The following CHCHD6 variants were observed in gnomAD, a reference collection of about 807,000 sequenced individuals.
CHCHD6 encodes coiled-coil-helix-coiled-coil-helix domain containing 6.
Under a neutral mutation model 32.3 loss-of-function variants are expected in CHCHD6, and 28 were observed. The ratio of observed to expected loss-of-function variants is 0.87; its 90% CI spans 0.64 to 1.19. The LOEUF is 1.19. CHCHD6 is among the 50% of genes most tolerant of loss of function. CHCHD6 has a pLI of 0.00. For missense variants in CHCHD6, 333 were observed against 307.0 expected (o/e 1.08, Z -0.63); for synonymous variants, 122 against 117.5 (o/e 1.04, Z -0.25).
intron 6 of CHCHD6, among the ~76,000 whole-genome samples, chr3:126,928,088 T>C (rs536904101): frequency 1.3e-5 from 2 of 152,288 alleles, no homozygotes; most frequent in East Asian, 3.9e-4. Context: ...CAGTAGACCA[T>C]AGTACTCAAC....
At chr3:126,809,253 G>A (rs1282065047) in intron 4 of CHCHD6, among the ~76,000 whole-genome samples, 2 of 152,188 alleles carry the variant, frequency 1.3e-5, no homozygotes, top group South Asian at 2.1e-4. Flanking sequence ...GCAGGCATGA[G>A]CCACTGTGCC....
chr3:126,746,910 C>T (rs1177481422), intron 4 of CHCHD6, among the ~76,000 whole-genome samples: 1 of 152,080 alleles, frequency 6.6e-6, no homozygotes, highest in Non-Finnish European at 1.5e-5. Flanking sequence ...TTATTTAATC[C>T]GTGGCTGCAC....
At chr3:126,704,525 G>A (rs959470896) in intron 1 of CHCHD6, 126 bp downstream of exon 1, 2 of 556,194 alleles carry the variant, frequency 3.6e-6, no homozygotes, top group African/African-American at 4.0e-5. Context: ...AGACTCCGGG[G>A]GCTCAGGCCA....
chr3:126,779,504 T>C (rs1937820398), intron 4 of CHCHD6, among the ~76,000 whole-genome samples: 1 of 128,344 alleles, frequency 7.8e-6, no homozygotes. Context: ...TCCACTGCAC[T>C]CCATCCTGGC....
At chr3:126,869,897 T>C (rs1439236430) in intron 5 of CHCHD6, among the ~76,000 whole-genome samples, 3 of 152,366 alleles carry the variant, frequency 2.0e-5, no homozygotes, top group African/African-American at 7.2e-5. Flanking sequence ...TCACATTCAT[T>C]GCTTTCTGAA....
chr3:126,865,832 G>C (rs969477323), intron 5 of CHCHD6: 52 of 835,300 alleles, frequency 6.2e-5, no homozygotes, highest in Non-Finnish European at 7.2e-5. Context: ...CTGAGGTAAG[G>C]GGAAGCAGAA....
Position 126,811,867 on chromosome 3 carries a change from A to G in CHCHD6, c.412-40780A>G, listed in dbSNP as rs576481205. ...CCAAGTAAGACAGTGTGGCCCTAAG[A>G]CCTGTTTGGCCTATTATTCTGGCCT... On this transcript the variant is annotated intron_variant, in intron 4 of 7. Coordinates refer to ENST00000290913, the MANE Select transcript of CHCHD6 (RefSeq NM_032343.3). Among the ~76,000 whole-genome samples, 5 of 152,280 alleles carry G rather than the reference A, an allele frequency of 3.3e-5. No homozygotes were observed. The East Asian group carries it at 9.6e-4, about 29-fold the overall frequency.
intron 4 of CHCHD6, among the ~76,000 whole-genome samples, chr3:126,818,761 TC>T (rs1940024622): frequency 6.6e-6 from 1 of 152,276 alleles, no homozygotes; most frequent in East Asian, 1.9e-4. Context: ...CCTTTGCATC[TC>T]CCCATCATCT....
intron 4 of CHCHD6, among the ~76,000 whole-genome samples, chr3:126,735,750 T>G (rs78525677): frequency 1.3e-5 from 2 of 152,232 alleles, no homozygotes; most frequent in Admixed American, 6.5e-5. Flanking sequence ...TCCTACACTT[T>G]CAGGGTACCA....
chr3:126,885,834 G>A (rs1017961790), intron 5 of CHCHD6, among the ~76,000 whole-genome samples: 1 of 152,224 alleles, frequency 6.6e-6, no homozygotes, highest in Non-Finnish European at 1.5e-5. Context: ...TCTCCAAAAT[G>A]AGGAGAAGAG....
intron 5 of CHCHD6, among the ~76,000 whole-genome samples, chr3:126,861,565 ACCTCATCCT>A (rs201229424): frequency 3.4e-5 from 5 of 148,010 alleles, no homozygotes; most frequent in African/African-American, 1.0e-4. Flanking sequence ...CAGCACCACC[ACCTCATCCT>A]CCTCATCCTC....
At chr3:126,818,218 A>C (rs1250755732) in intron 4 of CHCHD6, among the ~76,000 whole-genome samples, 1 of 152,294 alleles carries the variant, frequency 6.6e-6, no homozygotes, top group African/African-American at 2.4e-5. Context: ...GGTGGAAATC[A>C]GTATTTTCCA....
intron 4 of CHCHD6, among the ~76,000 whole-genome samples, chr3:126,847,826 C>T (rs547178216): frequency 1.1e-4 from 17 of 152,256 alleles, no homozygotes; most frequent in African/African-American, 4.1e-4. Context: ...CATCCTCTCA[C>T]CTGCCTTCTA....
intron 4 of CHCHD6, among the ~76,000 whole-genome samples, chr3:126,824,540 G>C (rs1287901795): frequency 2.2e-5 from 2 of 90,140 alleles, no homozygotes; most frequent in Non-Finnish European, 3.8e-5. Context: ...CAGCCTAGGT[G>C]ATAGAGCAAG....
At chr3:126,920,469 CTCTT>C (rs1282331929) in intron 6 of CHCHD6, among the ~76,000 whole-genome samples, 1 of 152,090 alleles carries the variant, frequency 6.6e-6, no homozygotes, top group Non-Finnish European at 1.5e-5. Flanking sequence ...TCCAGGGTCC[CTCTT>C]TCTTGGTGAG....
At chr3:126,813,848 A>T (rs1216782392) in intron 4 of CHCHD6, among the ~76,000 whole-genome samples, 1 of 152,234 alleles carries the variant, frequency 6.6e-6, no homozygotes, top group African/African-American at 2.4e-5. Context: ...ACCTCAAAGC[A>T]TCAGTGAATT....
intron 6 of CHCHD6, among the ~76,000 whole-genome samples, chr3:126,945,609 GTGGGGGAGACTTGA>G (rs1323492923): frequency 6.3e-5 from 9 of 142,118 alleles, no homozygotes; most frequent in Non-Finnish European, 3.1e-5. Flanking sequence ...GAGACTCGGT[GTGGGGGAGACTTGA>G]TGGGGGAGAC....
chr3:126,766,986 G>A, intron 4 of CHCHD6: 1 of 889,902 alleles, frequency 1.1e-6, no homozygotes, highest in Non-Finnish European at 1.9e-6. Flanking sequence ...TAGCGCCACA[G>A]GCTACGTCTC....
At chr3:126,942,890 G>A (rs1043505547) in intron 6 of CHCHD6, among the ~76,000 whole-genome samples, 2 of 152,190 alleles carry the variant, frequency 1.3e-5, no homozygotes, top group Non-Finnish European at 2.9e-5. Flanking sequence ...CACAGTGCAT[G>A]CGTGAGGACT....
Sources: gnomAD v4.1 joint callset for allele counts (sites outside exome capture counted in the v4.1 genomes callset) on GRCh38, gnomAD v4.1.1 for gene constraint, MANE v1.5 for transcripts, NCBI Gene and HGNC (gene_info 2026-07-23, HGNC 2026-07-21) for gene names.